Variants in KIF26B observed in about 807,000 individuals in gnomAD.
KIF26B encodes kinesin family member 26B, also known as kinesin-like protein KIF26B.
KIF26B carries 63 observed loss-of-function variants against 151.2 expected under a neutral mutation model. That is an observed-to-expected ratio of 0.42 (90% CI 0.34 to 0.51). The LOEUF (loss-of-function observed/expected upper bound fraction) is 0.51. Ranked by LOEUF, KIF26B falls within the 20% of genes least tolerant of loss-of-function variation. The pLI, the probability that KIF26B is intolerant of heterozygous loss-of-function variation, is 0.07. For synonymous variants in KIF26B, 1,357 were observed against 1,262.1 expected (o/e 1.08, Z -1.59); for missense variants, 2,813 against 2,913.6 (o/e 0.97, Z 0.79).
intron 5 of KIF26B, among the ~76,000 whole-genome samples, chr1:245,599,616 G>A (rs1279214610): frequency 1.3e-5 from 2 of 152,184 alleles, no homozygotes; most frequent in African/African-American, 4.8e-5. Flanking sequence ...AGTGGGCTGT[G>A]GGCTCCATCA....
chr1:245,419,674 A>G lies in KIF26B; in HGVS notation c.1095A>G (p.Pro365=). The G allele has an allele frequency of 6.2e-7, 1 of 1,613,882 alleles. No homozygotes were observed. The highest frequency in any genetic ancestry group is 1.7e-5 in the Admixed American group (1 of 60,020). ...ACAAGCCTTCCGCCTGCAGTGTCCC[A>G]GCCTCGCAGGGCTCCTGCGTGGCCA... ...NADKPSACSV[P]ASQGSCVASE... is the part of the protein sequence containing the mutation. The change falls in exon 4 of 15, where the codon CCA becomes CCG. Residue 365 remains proline (P), a synonymous_variant. Coordinates refer to ENST00000407071, the MANE Select transcript of KIF26B (RefSeq NM_018012.4).
chr1:245,276,565 G>T (rs1452565329), intron 2 of KIF26B, among the ~76,000 whole-genome samples: 1 of 152,158 alleles, frequency 6.6e-6, no homozygotes, highest in African/African-American at 2.4e-5. Flanking sequence ...CAGTCCCCTT[G>T]AAAAGCCTGG....
At chr1:245,356,271 A>G (rs1672695906) in intron 2 of KIF26B, among the ~76,000 whole-genome samples, 1 of 152,144 alleles carries the variant, frequency 6.6e-6, no homozygotes, top group Non-Finnish European at 1.5e-5. Flanking sequence ...AATTCCTAAG[A>G]AAGGCCAGGC....
chr1:245,398,102 G>A (rs1481891057), intron 3 of KIF26B, among the ~76,000 whole-genome samples: 6 of 152,120 alleles, frequency 3.9e-5, no homozygotes, highest in African/African-American at 1.4e-4. Context: ...CTACTCCCTC[G>A]GGAGAGAAGG....
intron 2 of KIF26B, among the ~76,000 whole-genome samples, chr1:245,355,392 C>A (rs1672669859): frequency 1.3e-5 from 2 of 151,906 alleles, no homozygotes; most frequent in African/African-American, 2.4e-5. Flanking sequence ...ATCAAAATCA[C>A]CATCTCCAGC....
intron 12 of KIF26B, among the ~76,000 whole-genome samples, chr1:245,689,425 G>A (rs4378245): frequency 0.59 from 89,038 of 152,056 alleles, 28,089 homozygotes; most frequent in Middle Eastern, 0.73. Context: ...GAATGGCGAG[G>A]CCCTTCCTCC....
At chr1:245,494,112 A>G (rs1558187805) in intron 4 of KIF26B, among the ~76,000 whole-genome samples, 1 of 152,002 alleles carries the variant, frequency 6.6e-6, no homozygotes, top group Non-Finnish European at 1.5e-5. Flanking sequence ...GAGACCAGCC[A>G]TCACCAACAT....
chr1:245,288,996 T>A (rs1310281467), intron 2 of KIF26B, among the ~76,000 whole-genome samples: 3 of 152,176 alleles, frequency 2.0e-5, no homozygotes, highest in Admixed American at 2.0e-4. Flanking sequence ...TGGGTTCCAT[T>A]GTATTTGAAT....
intron 7 of KIF26B, among the ~76,000 whole-genome samples, chr1:245,608,713 G>T (rs1264618785): frequency 6.6e-6 from 1 of 152,110 alleles, no homozygotes; most frequent in Non-Finnish European, 1.5e-5. Flanking sequence ...TCCTCCTCAA[G>T]GTACATGGTG....
intron 4 of KIF26B, among the ~76,000 whole-genome samples, chr1:245,465,124 G>C (rs1103865): frequency 3.4e-5 from 5 of 148,740 alleles, no homozygotes; most frequent in Non-Finnish European, 7.4e-5. Context: ...GACTACAGGC[G>C]CCCGCCACCA....
rs5782359 is a variant in KIF26B, at chr1:245,612,054, TTGTGTGTGTGTGTGTGTGTGTGTG to T, written c.2098+107_2098+130del. 1.1e-4 allele frequency: 75 copies of T among 677,738 alleles called. 1 individual carries two copies. The highest frequency in any genetic ancestry group is 3.4e-4 in the Admixed American group (13 of 37,852). 42.0% of individuals were successfully genotyped at this position (677,738 alleles called of 1,614,324 possible). On this transcript the variant is annotated intron_variant, in intron 9 of 14. Coordinates refer to ENST00000407071, the MANE Select transcript of KIF26B (RefSeq NM_018012.4). ...GAAATCCCTTGGGCAACCATGACCT[TTGTGTGTGTGTGTGTGTGTGTGTG>T]TGTGTGTGTGTGTGTGTGTGTGTGT...
chr1:245,279,306 CTTTTTTTTT>C (rs5782332), intron 2 of KIF26B, among the ~76,000 whole-genome samples: 1 of 132,652 alleles, frequency 7.5e-6, no homozygotes, highest in Non-Finnish European at 1.6e-5. Context: ...TTTTTTCTTT[CTTTTTTTTT>C]TTTTTTTTAG....
intron 2 of KIF26B, among the ~76,000 whole-genome samples, chr1:245,168,897 T>C (rs1668658806): frequency 6.6e-6 from 1 of 152,256 alleles, no homozygotes; most frequent in South Asian, 2.1e-4. Context: ...TATTTTTCTC[T>C]TTAATCATTT....
In KIF26B at chr1:245,688,755, C is replaced by T. The variant is rs765038268; in HGVS notation, c.5772C>T (p.Ser1924=). The part of the protein sequence containing the change: ...AQDSTSENSS[S]VGGRCRSLKT... ...ACTCCACGAGCGAGAACAGCAGCTC[C>T]GTGGGCGGCAGGTGCCGGAGCCTCA... The change falls in exon 12 of 15, where the codon TCC becomes TCT. Residue 1924 remains serine, a synonymous_variant. Coordinates refer to ENST00000407071, the MANE Select transcript of KIF26B (RefSeq NM_018012.4). The T allele has an allele frequency of 1.8e-5, 29 of 1,600,912 alleles. 1 individual carries two copies. The South Asian group carries it at 2.7e-4, about 15-fold the overall frequency.
At chr1:245,565,988 C>G (rs1291493519) in intron 5 of KIF26B, among the ~76,000 whole-genome samples, 2 of 152,188 alleles carry the variant, frequency 1.3e-5, no homozygotes, top group Non-Finnish European at 2.9e-5. Flanking sequence ...GGGGAGGCCC[C>G]AGACTCTTTA....
chr1:245,565,126 C>G (rs1356291125), intron 5 of KIF26B, among the ~76,000 whole-genome samples: 1 of 152,120 alleles, frequency 6.6e-6, no homozygotes, highest in Non-Finnish European at 1.5e-5. Context: ...GAGCGAGACC[C>G]TCTCTATAAA....
intron 5 of KIF26B, among the ~76,000 whole-genome samples, chr1:245,547,043 A>C (rs766876017): frequency 6.6e-6 from 1 of 152,226 alleles, no homozygotes; most frequent in Admixed American, 6.5e-5. Flanking sequence ...CAGCCTCTGG[A>C]CAGCACATGC....
Position 245,703,568 on chromosome 1 carries a change from A to T in KIF26B, c.*962A>T, listed in dbSNP as rs2044802612. The T allele has an allele frequency of 6.6e-6, 1 of 152,184 alleles. No homozygotes were observed. Among genetic ancestry groups the T allele is most frequent in the Non-Finnish European group, 1.5e-5 (1 of 68,018 alleles). 9.4% of individuals were successfully genotyped at this position (152,184 alleles called of 1,614,324 possible). On this transcript the variant is annotated 3_prime_UTR_variant, in exon 15 of 15. Coordinates refer to ENST00000407071, the MANE Select transcript of KIF26B (RefSeq NM_018012.4). Reference sequence around the variant, plus strand: ...ATGTGGTTCCTTGACCCACAAATCCACAGTTTGCGTGGCCCTCAAAATTCA... The same window carrying T: ...ATGTGGTTCCTTGACCCACAAATCCTCAGTTTGCGTGGCCCTCAAAATTCA...
At chr1:245,222,759 C>A (rs778814207) in intron 2 of KIF26B, among the ~76,000 whole-genome samples, 2 of 152,088 alleles carry the variant, frequency 1.3e-5, no homozygotes, top group Non-Finnish European at 2.9e-5. Context: ...AAAAACAATA[C>A]CCCCAAATCG....
Sources: gnomAD v4.1 joint callset for allele counts (sites outside exome capture counted in the v4.1 genomes callset) on GRCh38, gnomAD v4.1.1 for gene constraint, MANE v1.5 for transcripts, NCBI Gene and HGNC (gene_info 2026-07-23, HGNC 2026-07-21) for gene names.